Variants in PATJ observed in about 807,000 individuals in gnomAD.
PATJ encodes PATJ crumbs cell polarity complex component, also known as inaD-like protein.
Under a neutral mutation model 224.9 loss-of-function variants are expected in PATJ, and 190 were observed. The observed-to-expected ratio is 0.84, with a 90% confidence interval of 0.75 to 0.95. The LOEUF (loss-of-function observed/expected upper bound fraction) is 0.95. PATJ is among the 40% of genes least tolerant of loss of function. The pLI is 0.00. For missense variants in PATJ, 2,121 were observed against 2,270.3 expected (o/e 0.93, Z 1.34); for synonymous variants, 769 against 820.3 (o/e 0.94, Z 1.07).
chr1:62,142,212 C>T (rs556525820), intron 41 of PATJ, among the ~76,000 whole-genome samples: 1 of 152,260 alleles, frequency 6.6e-6, no homozygotes, highest in Admixed American at 6.5e-5. Flanking sequence ...ACCCGTGTAA[C>T]TTCCCACAAA....
intron 41 of PATJ, among the ~76,000 whole-genome samples, chr1:62,139,588 A>T (rs1667294450): frequency 6.6e-6 from 1 of 151,918 alleles, no homozygotes; most frequent in African/African-American, 2.4e-5. Flanking sequence ...TTGAACTTAC[A>T]TGAACTCAAA....
chr1:62,007,537 C>G (rs992998334), intron 28 of PATJ, among the ~76,000 whole-genome samples: 1 of 152,180 alleles, frequency 6.6e-6, no homozygotes, highest in Non-Finnish European at 1.5e-5. Context: ...GTTAGATTTA[C>G]AAATTAATAT....
chr1:62,071,481 T>C (rs569456945), intron 31 of PATJ, among the ~76,000 whole-genome samples: 1 of 149,886 alleles, frequency 6.7e-6, no homozygotes, highest in South Asian at 2.1e-4. Context: ...TGTTCAGGTT[T>C]GTAGATCACT....
Position 61,864,424 on chromosome 1 carries a change from T to C in PATJ, c.2626T>C (p.Tyr876His). 1 of 1,613,640 alleles carries C rather than the reference T, an allele frequency of 6.2e-7. No individual in the cohort carries two copies. Among genetic ancestry groups the C allele is most frequent in the Non-Finnish European group, 8.5e-7 (1 of 1,179,528 alleles). Residue 876 changes from tyrosine (Y) to histidine (H), a missense_variant, in exon 20 of 44, where the codon TAT becomes CAT. Physicochemically the swap from Tyr to His is moderately conservative, Grantham distance 83. Transcript: ENST00000642238. ...EEREILVDEE[Y>H]ELYQDPSPSM... ...AAGAGAAATTCTTGTTGATGAAGAA[T>C]ATGAGTTATATCAAGATCCCTCACC...
At position 61,926,555 on chromosome 1, in the gene PATJ, G is replaced by A. The variant is rs1473908502; in HGVS notation, c.3571-1175G>A. On this transcript the variant is annotated intron_variant, in intron 26 of 43. Transcript: ENST00000642238. ...TACTCTTCATTTCACTCACTTTTAA[G>A]TTTTTTTTTCAACTTACAAGAATTA... Among the ~76,000 whole-genome samples, 5 of 151,082 alleles carry A rather than the reference G, an allele frequency of 3.3e-5. No individual in the cohort carries two copies. The South Asian group carries it at 1.0e-3, about 32-fold the overall frequency.
chr1:62,128,132 G>A (rs377199037), intron 40 of PATJ, 38 bp downstream of exon 40: 1 of 1,612,844 alleles, frequency 6.2e-7, no homozygotes, highest in Non-Finnish European at 8.5e-7. Flanking sequence ...AACAATATGT[G>A]TTGGGGTGGG....
intron 1 of PATJ, among the ~76,000 whole-genome samples, chr1:61,748,189 T>C (rs1415139495): frequency 6.7e-6 from 1 of 150,110 alleles, no homozygotes; most frequent in Non-Finnish European, 1.5e-5. Context: ...TGTTTATTCT[T>C]AAGAGGGTTT....
chr1:61,754,106 G>C (rs1645485366), intron 1 of PATJ, among the ~76,000 whole-genome samples: 1 of 152,110 alleles, frequency 6.6e-6, no homozygotes, highest in Admixed American at 6.6e-5. Flanking sequence ...TCATTCTCTG[G>C]AGGCTGTCCA....
At chr1:62,152,086 T>C (rs943361356) in intron 42 of PATJ, among the ~76,000 whole-genome samples, 1 of 152,208 alleles carries the variant, frequency 6.6e-6, no homozygotes, top group African/African-American at 2.4e-5. Flanking sequence ...TACACAGTCA[T>C]GATCCTGAGT....
At chr1:61,773,981 G>A (rs1371859102) in intron 6 of PATJ, among the ~76,000 whole-genome samples, 5 of 151,650 alleles carry the variant, frequency 3.3e-5, no homozygotes, top group South Asian at 2.1e-4. Context: ...TTAGCCGGGC[G>A]TGGTGGCAGG....
At chr1:62,039,211 A>C in intron 30 of PATJ, 1 of 439,946 alleles carries the variant, frequency 2.3e-6, no homozygotes, top group Non-Finnish European at 4.4e-6. Flanking sequence ...TAGGCCATTC[A>C]TTTAATGTGC....
intron 17 of PATJ, among the ~76,000 whole-genome samples, chr1:61,842,588 A>G (rs984707069): frequency 1.3e-5 from 2 of 152,014 alleles, no homozygotes; most frequent in African/African-American, 4.8e-5. Context: ...TATAAATATT[A>G]GTGTTTTTGG....
intron 21 of PATJ, among the ~76,000 whole-genome samples, chr1:61,881,180 T>C (rs897504330): frequency 2.6e-5 from 4 of 152,162 alleles, no homozygotes; most frequent in African/African-American, 9.7e-5. Flanking sequence ...CTCTATTTTC[T>C]AGAATTACAG....
At position 61,769,269 on chromosome 1, in the gene PATJ, C is replaced by T. The variant is rs370469666; in HGVS notation, c.385-14C>T. ...GTACACCATTGACTTTTTTTTTTAA[C>T]GCTCCTTCATTAGGGCCGGCAAATT... On this transcript the variant is annotated splice_polypyrimidine_tract_variant and intron_variant, in intron 4 of 43. Coordinates refer to ENST00000642238, the MANE Select transcript of PATJ (RefSeq NM_001350145.3). 34 of 1,583,194 alleles carry T rather than the reference C, an allele frequency of 2.1e-5. 1 individual carries two copies. Among genetic ancestry groups the T allele is most frequent in the Middle Eastern group, 1.7e-4 (1 of 5,828 alleles).
intron 28 of PATJ, among the ~76,000 whole-genome samples, chr1:62,002,443 A>C (rs374187047): frequency 6.6e-6 from 1 of 152,186 alleles, no homozygotes; most frequent in African/African-American, 2.4e-5. Flanking sequence ...GCAGTGGCTC[A>C]CACCTGTAAT....
At chr1:62,058,149 CT>C (rs1201144885) in intron 31 of PATJ, among the ~76,000 whole-genome samples, 1 of 152,180 alleles carries the variant, frequency 6.6e-6, no homozygotes, top group Non-Finnish European at 1.5e-5. Context: ...CAGCATTCTT[CT>C]TGGAGTTTCT....
rs766641742 is a variant in PATJ at position 61,875,334 on chromosome 1, T to A, written c.2927T>A (p.Leu976His). ...GGCAGATTTGACGACCTGGAAAATC[T>A]TAATTCATTAGCAAAAACTAGTCTG... ...QQGRFDDLENLNSLAKTSLDL... is the reference protein window; with the variant it reads ...QQGRFDDLENHNSLAKTSLDL... The change falls in exon 21 of 44, where the codon CTT (leucine) becomes CAT (histidine). Residue 976 changes from leucine (L) to histidine (H), a missense_variant. Coordinates refer to ENST00000642238, the MANE Select transcript of PATJ (RefSeq NM_001350145.3). The A allele has an allele frequency of 6.2e-7, 1 of 1,611,792 alleles. No homozygotes were observed. The highest frequency in any genetic ancestry group is 8.5e-7 in the Non-Finnish European group (1 of 1,178,804).
chr1:61,940,603 C>T (rs1252337178), intron 27 of PATJ, among the ~76,000 whole-genome samples: 2 of 151,732 alleles, frequency 1.3e-5, no homozygotes, highest in African/African-American at 4.8e-5. Flanking sequence ...GTAGTCCCAG[C>T]TACTCGGGAG....
intron 1 of PATJ, among the ~76,000 whole-genome samples, chr1:61,760,619 C>CTTTTTT (rs200693394): frequency 1.7e-4 from 23 of 135,434 alleles, no homozygotes; most frequent in East Asian, 2.1e-4. Flanking sequence ...TTTTCTTTTT[C>CTTTTTT]TTTTTTTTTT....
Sources: gnomAD v4.1 joint callset for allele counts (sites outside exome capture counted in the v4.1 genomes callset) on GRCh38, gnomAD v4.1.1 for gene constraint, MANE v1.5 for transcripts, NCBI Gene and HGNC (gene_info 2026-07-23, HGNC 2026-07-21) for gene names.